Variants in CDH23 observed in about 807,000 individuals in gnomAD.
CDH23 encodes the protein cadherin related 23.
CDH23 carries 189 observed loss-of-function variants against 317.1 expected under a neutral mutation model. The ratio of observed to expected loss-of-function variants is 0.60; its 90% confidence interval spans 0.53 to 0.67. The LOEUF (loss-of-function observed/expected upper bound fraction) is 0.67, where lower values mean the gene tolerates loss of function less well. Ranked by LOEUF, CDH23 falls within the 30% of genes least tolerant of loss-of-function variation. CDH23 has a pLI of 0.00. For missense variants in CDH23, 4,401 were observed against 4,592.4 expected (o/e 0.96, Z 1.20); for synonymous variants, 1,839 against 1,876.8 (o/e 0.98, Z 0.52).
intron 69 of CDH23, among the ~76,000 whole-genome samples, chr10:71,814,641 C>CAT (rs1470806758): frequency 6.6e-6 from 1 of 151,708 alleles, no homozygotes. Context: ...TGTCTACACA[C>CAT]ACATACACAC....
intron 38 of CDH23, among the ~76,000 whole-genome samples, chr10:71,757,185 C>T (rs137994167): frequency 6.6e-6 from 1 of 152,360 alleles, no homozygotes; most frequent in African/African-American, 2.4e-5. Flanking sequence ...GTGATCAAAG[C>T]AGGTCTCCTC....
intron 34 of CDH23, chr10:71,737,852 C>T (rs749745851): frequency 1.5e-5 from 7 of 458,884 alleles, no homozygotes; most frequent in Non-Finnish European, 2.7e-5. Context: ...TATGCTCTTG[C>T]GTGCCATTTG....
chr10:71,666,220 C>G (rs925457298), intron 14 of CDH23, among the ~76,000 whole-genome samples: 10 of 152,162 alleles, frequency 6.6e-5, no homozygotes, highest in Admixed American at 6.5e-4. Context: ...GTAGCACCCT[C>G]TTGTTCTACG....
intron 3 of CDH23, among the ~76,000 whole-genome samples, chr10:71,484,376 C>G (rs1438343893): frequency 6.6e-6 from 1 of 152,222 alleles, no homozygotes; most frequent in Non-Finnish European, 1.5e-5. Flanking sequence ...AAAGAGGAGG[C>G]AGCGGCAGGA....
At chr10:71,636,966 C>T (rs76624191) in intron 11 of CDH23, among the ~76,000 whole-genome samples, 2 of 152,220 alleles carry the variant, frequency 1.3e-5, no homozygotes, top group East Asian at 3.9e-4. Flanking sequence ...AGGCTCCTTC[C>T]ACTGCCTTCT....
chr10:71,671,878 A>G (rs1032508163), intron 14 of CDH23, among the ~76,000 whole-genome samples: 6 of 152,182 alleles, frequency 3.9e-5, no homozygotes, highest in African/African-American at 1.4e-4. Context: ...TCTGGTCAAA[A>G]TTAAATTCAT....
At chr10:71,759,516 A>G (rs1840240105) in intron 38 of CDH23, among the ~76,000 whole-genome samples, 1 of 151,814 alleles carries the variant, frequency 6.6e-6, no homozygotes, top group Non-Finnish European at 1.5e-5. Flanking sequence ...CAAAAAAAAA[A>G]AAAATTCCTG....
intron 22 of CDH23, among the ~76,000 whole-genome samples, chr10:71,698,622 G>C (rs747276022): frequency 6.6e-6 from 1 of 151,436 alleles, no homozygotes; most frequent in African/African-American, 2.4e-5. Flanking sequence ...GCCTTTGCAC[G>C]AGCCCTTTCC....
chr10:71,673,384 TG>T (rs1335745812), intron 14 of CDH23, among the ~76,000 whole-genome samples: 1 of 152,232 alleles, frequency 6.6e-6, no homozygotes, highest in Non-Finnish European at 1.5e-5. Flanking sequence ...AAGACCAAGC[TG>T]CAGTTGTAAC....
intron 38 of CDH23, among the ~76,000 whole-genome samples, chr10:71,777,326 C>A (rs1409391670): frequency 3.3e-5 from 5 of 152,184 alleles, no homozygotes; most frequent in African/African-American, 9.7e-5. Context: ...GGGTGACTAC[C>A]AGGGTTCATC....
chr10:71,809,167 CT>C (rs61078259), intron 60 of CDH23, among the ~76,000 whole-genome samples: 675 of 68,838 alleles, frequency 9.8e-3, no homozygotes, highest in Middle Eastern at 0.016. Flanking sequence ...TTTCTTTTTC[CT>C]TTTTTTTTTT....
intron 41 of CDH23, among the ~76,000 whole-genome samples, chr10:71,780,441 G>C (rs1360468501): frequency 2.0e-5 from 3 of 152,208 alleles, no homozygotes; most frequent in Admixed American, 2.0e-4. Context: ...GGGCAAAGGT[G>C]AGTCAAGTGA....
chr10:71,480,121 G>A (rs549357123), intron 3 of CDH23, among the ~76,000 whole-genome samples: 3 of 152,236 alleles, frequency 2.0e-5, no homozygotes, highest in Non-Finnish European at 4.4e-5. Context: ...TTAGCTGGGA[G>A]GTGACACAGG....
At chr10:71,761,578 C>T in intron 38 of CDH23, 1 of 1,551,044 alleles carries the variant, frequency 6.4e-7, no homozygotes. Context: ...GCCAGGCTGT[C>T]ACGTGCAGGA....
At chr10:71,708,922 G>T (rs530274445) in intron 26 of CDH23, among the ~76,000 whole-genome samples, 176 bp from the exon 27 acceptor site, 1 of 152,316 alleles carries the variant, frequency 6.6e-6, no homozygotes, top group East Asian at 1.9e-4. Flanking sequence ...TGGCACCCCC[G>T]CTGAGCCCAC....
chr10:71,581,335 C>A (rs1858613086), intron 9 of CDH23, among the ~76,000 whole-genome samples: 1 of 152,198 alleles, frequency 6.6e-6, no homozygotes, highest in Non-Finnish European at 1.5e-5. Flanking sequence ...ACATGGGTGA[C>A]TTGAGTCTCT....
intron 38 of CDH23, among the ~76,000 whole-genome samples, chr10:71,743,746 C>T (rs1409504553): frequency 3.2e-4 from 49 of 152,170 alleles, no homozygotes; most frequent in Non-Finnish European, 1.5e-5. Flanking sequence ...TCATCTTGGT[C>T]GTCCCTTCAA....
At chr10:71,646,350 C>A in intron 13 of CDH23, 109 bp from the exon 14 acceptor site, 2 of 1,510,540 alleles carry the variant, frequency 1.3e-6, no homozygotes, top group African/African-American at 1.4e-5. Flanking sequence ...GAGACTCTAA[C>A]AGGTGCTCTG....
At chr10:71,716,079 G>GCTGGGGCTCA (rs1866212657) in intron 28 of CDH23, 1 of 1,525,964 alleles carries the variant, frequency 6.6e-7, no homozygotes. Context: ...CAGAGCCGGA[G>GCTGGGGCTCA]CTGGGGCTCA....
Sources: allele counts gnomAD v4.1 joint callset (sites outside exome capture counted in the v4.1 genomes callset), GRCh38; gene constraint gnomAD v4.1.1; transcripts MANE v1.5; gene names NCBI Gene and HGNC (gene_info 2026-07-23, HGNC 2026-07-21).